The following SETD5 variants were observed in gnomAD, a reference collection of about 807,000 sequenced individuals.
The protein encoded by SETD5 is SET domain containing 5.
SETD5 carries 44 observed loss-of-function variants against 153.3 expected under a neutral mutation model. The observed-to-expected ratio is 0.29, with a 90% CI of 0.23 to 0.37. The LOEUF is 0.37. Ranked by LOEUF, SETD5 falls within the 10% of genes least tolerant of loss-of-function variation. The pLI, the probability that SETD5 is intolerant of heterozygous loss-of-function variation, is 1.00. For missense variants in SETD5, 1,544 were observed against 1,768.0 expected (o/e 0.87, Z 2.27); for synonymous variants, 716 against 645.2 (o/e 1.11, Z -1.66).
intron 1 of SETD5, among the ~76,000 whole-genome samples, chr3:9,413,859 C>T (rs534354172): frequency 2.2e-4 from 34 of 152,094 alleles, no homozygotes; most frequent in Non-Finnish European, 3.5e-4. Flanking sequence ...CTCACTGCAA[C>T]CTCTGCCTCC....
At chr3:9,429,300 G>A (rs2039679838) in intron 3 of SETD5, 1 of 228,248 alleles carries the variant, frequency 4.4e-6, no homozygotes, top group East Asian at 1.1e-4. Context: ...TTGGAATAAA[G>A]TAGGTGTTAC....
At chr3:9,445,783 T>C (rs967663125) in intron 13 of SETD5, 43 bp downstream of exon 13, 3 of 1,414,002 alleles carry the variant, frequency 2.1e-6, no homozygotes, top group Admixed American at 3.9e-5. Flanking sequence ...TCATTCCTGC[T>C]ACCTCCATCA....
chr3:9,404,275 G>C (rs139901401), intron 1 of SETD5, among the ~76,000 whole-genome samples: 277 of 152,262 alleles, frequency 1.8e-3, no homozygotes, highest in African/African-American at 6.5e-3. Flanking sequence ...TTTCGTACAC[G>C]TAATATTAAG....
rs1382611837 is a variant in SETD5 at position 9,476,044 on chromosome 3, C to A, written c.4282C>A (p.Gln1428Lys). 6.2e-7 allele frequency: 1 copy of A among 1,613,956 alleles called. No individual in the cohort carries two copies. Among genetic ancestry groups the A allele is most frequent in the East Asian group, 2.2e-5 (1 of 44,870 alleles). Reference sequence around the variant, plus strand: ...TGGGGGTGTGCACCAGTACCGACTCCAGCCACTGCAAGGGTCAGGAGTCAA... The same window carrying A: ...TGGGGGTGTGCACCAGTACCGACTCAAGCCACTGCAAGGGTCAGGAGTCAA... ...GSGGVHQYRL[Q>K]PLQGSGVKTQ... The change falls in exon 23 of 23, where the codon CAG (glutamine) becomes AAG (lysine). Residue 1428 changes from glutamine to lysine, a missense_variant. Gln to Lys is a moderately conservative substitution (Grantham distance 53). Transcript: ENST00000402198.
chr3:9,466,438 T>G (rs2044594658), intron 18 of SETD5, among the ~76,000 whole-genome samples: 1 of 152,158 alleles, frequency 6.6e-6, no homozygotes. Context: ...TTGTTTTGTT[T>G]TGTTTTTTTT....
At chr3:9,408,270 A>ACCCCCATT (rs1333777526) in intron 1 of SETD5, among the ~76,000 whole-genome samples, 1 of 151,902 alleles carries the variant, frequency 6.6e-6, no homozygotes, top group African/African-American at 2.4e-5. Flanking sequence ...ACCTCTCTGA[A>ACCCCCATT]CCCCCATTTC....
Position 9,453,820 on chromosome 3 carries a change from C to G in SETD5, c.2428C>G (p.Gln810Glu), listed in dbSNP as rs200515261. The G allele has an allele frequency of 1.2e-6, 2 of 1,605,076 alleles. No homozygotes were observed. The highest frequency in any genetic ancestry group is 1.7e-6 in the Non-Finnish European group (2 of 1,177,372). Residue 810 changes from glutamine to glutamate, a missense_variant, in exon 17 of 23, where the codon CAA becomes GAA. By Grantham distance (29) the Gln-to-Glu change is conservative. Around this residue, in one of 9 missense-constraint regions of SETD5, gnomAD observed 782 missense variants for 787.2 expected, o/e 0.99. Transcript: ENST00000402198. ...PQETRTQHLY[Q>E]SNENSSSSSI... ...AGAGACTAGAACTCAGCACCTATAC[C>G]AAAGCAATGAGAATAGTAGCTCTTC...
intron 11 of SETD5, 36 bp from the exon 12 acceptor site, chr3:9,445,012 A>G: frequency 6.2e-7 from 1 of 1,602,532 alleles, no homozygotes; most frequent in Non-Finnish European, 8.5e-7. Flanking sequence ...TTTCAAGGGT[A>G]CTGAGACAGG....
Position 9,475,967 on chromosome 3 carries a change from C to T in SETD5, c.4205C>T (p.Ala1402Val). 6.2e-7 allele frequency: 1 copy of T among 1,614,026 alleles called. No individual in the cohort carries two copies. The highest frequency in any genetic ancestry group is 8.5e-7 in the Non-Finnish European group (1 of 1,179,894). The change falls in exon 23 of 23, where the codon GCC (alanine) becomes GTC (valine). Residue 1402 changes from alanine to valine, a missense_variant. Around this residue, in one of 9 missense-constraint regions of SETD5, gnomAD observed 302 missense variants for 277.6 expected, o/e 1.09. Coordinates refer to ENST00000402198, the MANE Select transcript of SETD5 (RefSeq NM_001080517.3). Reference sequence around the variant, plus strand: ...GCTGGGCAGTCAGCTGTCTACCAGGCCTCCAGGGTATCTGCGGTTTCCAAT... The same window carrying T: ...GCTGGGCAGTCAGCTGTCTACCAGGTCTCCAGGGTATCTGCGGTTTCCAAT... ...PSAGQSAVYQASRVSAVSNSQ... is the reference protein window; with the variant it reads ...PSAGQSAVYQVSRVSAVSNSQ...
rs1432231015 is a variant in SETD5, at chr3:9,445,962, G to GTTTTTTTTTTTTTTTTT, written c.1524+224_1524+225insTTTTTTTTTTTTTTTTT. On this transcript the variant is annotated intron_variant, in intron 13 of 22. Transcript: ENST00000402198. ...TATTATCTAGTGATGGTTTGAAGAG[G>GTTTTTTTTTTTTTTTTT]TTGTTTTTTTTTTTTTTTTTTTTTT... Among the ~76,000 whole-genome samples, 467 of 120,178 alleles carry GTTTTTTTTTTTTTTTTT rather than the reference G, an allele frequency of 3.9e-3. 30 individuals carry two copies. The highest frequency in any genetic ancestry group is 7.5e-3 in the African/African-American group (215 of 28,610). The allele number at this position is 120,178 out of a possible 152,430, so 78.8% of individuals were successfully genotyped here.
intron 18 of SETD5, 149 bp from the exon 19 acceptor site, chr3:9,470,310 G>T: frequency 1.5e-6 from 1 of 657,956 alleles, no homozygotes; most frequent in Non-Finnish European, 2.7e-6. Flanking sequence ...TGCTACGTGG[G>T]ACTTTTACAG....
chr3:9,415,358 T>C (rs1468823696), intron 1 of SETD5, among the ~76,000 whole-genome samples: 4 of 152,112 alleles, frequency 2.6e-5, no homozygotes, highest in Non-Finnish European at 5.9e-5. Flanking sequence ...TTGTAATATA[T>C]AAGTTAAATA....
In SETD5 at chr3:9,437,819, A is replaced by G. The variant is rs548884122; in HGVS notation, c.567+1913A>G. 2.6e-5 allele frequency among the ~76,000 whole-genome samples: 4 copies of G among 152,190 alleles called. No homozygotes were observed. The East Asian group carries it at 5.8e-4, about 22-fold the overall frequency. ...GGAATTCAAGACCAGCCTGGCCAAC[A>G]TGGTGAAACCCCATCTCTACTAAAA... On this transcript the variant is annotated intron_variant, in intron 7 of 22. Transcript: ENST00000402198.
intron 7 of SETD5, among the ~76,000 whole-genome samples, chr3:9,436,492 A>C (rs2040583375): frequency 6.6e-6 from 1 of 151,898 alleles, no homozygotes; most frequent in Admixed American, 6.6e-5. Context: ...TGTTAAGGGG[A>C]TTGGTCTTTG....
chr3:9,434,359 A>G lies in SETD5; in HGVS notation c.203A>G (p.Asn68Ser), dbSNP rs1156342685. The G allele has an allele frequency of 6.2e-7, 1 of 1,613,814 alleles. No individual in the cohort carries two copies. Among genetic ancestry groups the G allele is most frequent in the South Asian group, 1.1e-5 (1 of 91,066 alleles). Residue 68 changes from asparagine to serine, a missense_variant, in exon 5 of 23, where the codon AAT becomes AGT. By Grantham distance (46) the Asn-to-Ser change is conservative (BLOSUM62 1). Around this residue, in one of 9 missense-constraint regions of SETD5, gnomAD observed 251 missense variants for 326.9 expected, o/e 0.77. Transcript: ENST00000402198. This position sits in a 1 kb window ranked among gnomAD's most constrained non-coding sequence, Gnocchi z 5.6. Reference protein sequence around the residue: ...YATIIPRSDLNGLPSPVEERC... With the variant: ...YATIIPRSDLSGLPSPVEERC... The stretch of plus-strand genomic sequence containing the variant: ...ACGATCATCCCTCGTTCTGACCTGA[A>G]TGGCCTGCCGTCGCCTGTAGAGGAA...
intron 1 of SETD5, among the ~76,000 whole-genome samples, chr3:9,402,810 A>C (rs1050312885): frequency 1.3e-5 from 2 of 152,186 alleles, no homozygotes; most frequent in Admixed American, 1.3e-4. Flanking sequence ...TGTGCTACCT[A>C]ATGGAGGGGA....
At chr3:9,471,285 T>C (rs2045270417) in intron 19 of SETD5, among the ~76,000 whole-genome samples, 1 of 152,218 alleles carries the variant, frequency 6.6e-6, no homozygotes, top group Non-Finnish European at 1.5e-5. Flanking sequence ...TTTTCTATTT[T>C]GCACATGAGG....
chr3:9,424,598 T>C (rs1236450751), intron 2 of SETD5, 72 bp downstream of exon 2: 1 of 152,230 alleles, frequency 6.6e-6, no homozygotes, highest in Admixed American at 6.5e-5. Flanking sequence ...GGAATCATGT[T>C]GTAGTAAATT....
At chr3:9,450,738 T>C (rs540015995) in intron 16 of SETD5, among the ~76,000 whole-genome samples, 1 of 152,300 alleles carries the variant, frequency 6.6e-6, no homozygotes, top group East Asian at 1.9e-4. Context: ...TTTAGAACAA[T>C]GTATATTTCT....
Sources: allele counts gnomAD v4.1 joint callset (sites outside exome capture counted in the v4.1 genomes callset), GRCh38; gene constraint gnomAD v4.1.1; regional missense constraint gnomAD v4.1.1; non-coding constraint Gnocchi (gnomAD v3.1); transcripts MANE v1.5; gene names NCBI Gene and HGNC (gene_info 2026-07-23, HGNC 2026-07-21).